CFAP46: variants seen among roughly 807,000 people sequenced by gnomAD.
CFAP46 encodes cilia- and flagella-associated protein 46.
A neutral mutation model predicts 325.7 loss-of-function variants in CFAP46; 245 were observed. That is an observed-to-expected ratio of 0.75 (90% confidence interval 0.68 to 0.84). CFAP46 has a LOEUF of 0.84. Among genes scored for constraint, CFAP46 ranks in the 40% least tolerant of loss-of-function variants. The pLI is 0.00. For missense variants in CFAP46, 3,346 were observed against 3,543.0 expected, an observed-to-expected ratio of 0.94 and a Z score of 1.41; for synonymous variants, 1,523 against 1,495.9, an observed-to-expected ratio of 1.02 and a Z score of -0.42.
rs1385050092 is a variant in CFAP46 at position 132,827,347 on chromosome 10, G to A, written c.7117+6011C>T. On this transcript the variant is annotated intron_variant, in intron 50 of 57. Coordinates refer to ENST00000368586, the MANE Select transcript of CFAP46 (RefSeq NM_001200049.3). This position sits in a 1 kb window ranked among gnomAD's most constrained non-coding sequence, Gnocchi z 5.7. ...TAAGCTGCCACGCCGACTGCTGTGG[G>A]AGCTCCTGGGCCTGGAGGAGCCTCC... Among the ~76,000 whole-genome samples, 3 of 152,154 alleles carry A rather than the reference G, an allele frequency of 2.0e-5. No individual in the cohort carries two copies. The highest frequency in any genetic ancestry group is 7.2e-5 in the African/African-American group (3 of 41,434).
In CFAP46 at chr10:132,912,593, C is replaced by CT; in HGVS notation, c.2499+61dup. ...CTTTCACCTCTCCTCTCCTCTCTCT[C>CT]TCTCCTCTCTCCTCTCTCTCTCTCT... On this transcript the variant is annotated intron_variant, in intron 19 of 57. Transcript: ENST00000368586. 2.8e-6 allele frequency: 4 copies of CT among 1,442,512 alleles called. No homozygotes were observed. The South Asian group carries it at 5.0e-5, about 18-fold the overall frequency. 89.4% of individuals were successfully genotyped at this position (1,442,512 alleles called of 1,614,324 possible).
chr10:132,928,046 A>T (rs1448449088), intron 9 of CFAP46, among the ~76,000 whole-genome samples: 1 of 152,206 alleles, frequency 6.6e-6, no homozygotes, highest in African/African-American at 2.4e-5. Flanking sequence ...TGCAGGGGCC[A>T]CGGGCGGTGG....
chr10:132,918,268 C>T (rs531013262), intron 16 of CFAP46, 125 bp downstream of exon 16: 2 of 157,824 alleles, frequency 1.3e-5, no homozygotes, highest in Non-Finnish European at 1.8e-5. Flanking sequence ...CACCGATGAA[C>T]CCCCCTCTCC....
At chr10:132,888,287 G>T in intron 25 of CFAP46, among the ~76,000 whole-genome samples, 1 of 150,496 alleles carries the variant, frequency 6.6e-6, no homozygotes, top group Non-Finnish European at 1.5e-5. Context: ...CTCCCATCCT[G>T]GGTGCTTCCA....
intron 25 of CFAP46, among the ~76,000 whole-genome samples, chr10:132,887,686 TCTCTCTCTC>T (rs1225956186): frequency 5.5e-5 from 5 of 91,600 alleles, no homozygotes; most frequent in Admixed American, 1.0e-4. Context: ...TCTCCTCTCC[TCTCTCTCTC>T]CTCTCCTCTC....
chr10:132,911,553 C>T (rs1172297362), intron 19 of CFAP46, among the ~76,000 whole-genome samples: 1 of 152,238 alleles, frequency 6.6e-6, no homozygotes, highest in African/African-American at 2.4e-5. Flanking sequence ...CCACAGACTC[C>T]CTTGACTCAT....
In CFAP46 at chr10:132,817,850, G is replaced by A. The variant is rs1565033450; in HGVS notation, c.7118-2936C>T. Among the ~76,000 whole-genome samples the A allele has an allele frequency of 6.6e-6, 1 of 152,240 alleles. No homozygotes were observed. Among genetic ancestry groups the A allele is most frequent in the East Asian group, 1.9e-4 (1 of 5,196 alleles). ...TTCTGGGAGTCGGAGGTCCGAATGG[G>A]GTCACTGGGTCACAGTGAACGGCGT... On this transcript the variant is annotated intron_variant, in intron 50 of 57. Coordinates refer to ENST00000368586, the MANE Select transcript of CFAP46 (RefSeq NM_001200049.3). The surrounding 1 kb of genome is among the most constrained non-coding windows in gnomAD (Gnocchi z 4.4).
Position 132,936,921 on chromosome 10 carries a change from G to A in CFAP46, c.755+40C>T. On this transcript the variant is annotated intron_variant, in intron 7 of 57. Coordinates refer to ENST00000368586, the MANE Select transcript of CFAP46 (RefSeq NM_001200049.3). ...CAGAGCTCTCCCAAGCCCAGCACTT[G>A]TGAAACTCAGTATTTGCTCTCCCTC... The A allele has an allele frequency of 3.1e-6, 4 of 1,288,118 alleles. No homozygotes were observed. The Admixed American group carries it at 6.0e-5, about 19-fold the overall frequency. The allele number at this position is 1,288,118 out of a possible 1,614,324, so 79.8% of individuals were successfully genotyped here.
rs1262985146 is a variant in CFAP46 at position 132,909,838 on chromosome 10, G to A, written c.2649+81C>T. Reference sequence around the variant, plus strand: ...CCATCTGGAGCTAAGTGGTCCCGGGGGCCCCACCACCCCCGGCTGTCTCAG... The same window carrying A: ...CCATCTGGAGCTAAGTGGTCCCGGGAGCCCCACCACCCCCGGCTGTCTCAG... On this transcript the variant is annotated intron_variant, in intron 20 of 57. Coordinates refer to ENST00000368586, the MANE Select transcript of CFAP46 (RefSeq NM_001200049.3). 3.8e-6 allele frequency: 5 copies of A among 1,319,878 alleles called. No individual in the cohort carries two copies. In the East Asian group the frequency reaches 1.2e-4, roughly 32 times the overall value. The allele number at this position is 1,319,878 out of a possible 1,614,324, so 81.8% of individuals were successfully genotyped here.
At chr10:132,868,629 T>G (rs1848852068) in intron 33 of CFAP46, among the ~76,000 whole-genome samples, 1 of 152,112 alleles carries the variant, frequency 6.6e-6, no homozygotes, top group South Asian at 2.1e-4. Flanking sequence ...AGAGCATGAG[T>G]GAAAATATGA....
Position 132,851,422 on chromosome 10 carries a change from T to C in CFAP46, c.5575-117A>G. 8.4e-6 allele frequency: 8 copies of C among 947,040 alleles called. No individual in the cohort carries two copies. The South Asian group carries it at 1.3e-4, about 16-fold the overall frequency. 58.7% of individuals were successfully genotyped at this position (947,040 alleles called of 1,614,324 possible). ...AGAAACTCATAACAAACTGCGCAGA[T>C]CTACAGTGGAAAACTGACACACTTT... On this transcript the variant is annotated intron_variant, in intron 39 of 57. Transcript: ENST00000368586.
intron 44 of CFAP46, among the ~76,000 whole-genome samples, chr10:132,843,089 G>C (rs1156561148): frequency 6.6e-6 from 1 of 152,194 alleles, no homozygotes; most frequent in Admixed American, 6.5e-5. Flanking sequence ...TCTTCAGTCT[G>C]TTTCTCAGTC....
intron 39 of CFAP46, among the ~76,000 whole-genome samples, chr10:132,851,561 GGCACCCT>G (rs1848546199): frequency 6.6e-6 from 1 of 152,128 alleles, no homozygotes; most frequent in African/African-American, 2.4e-5. Context: ...GCTGCCTGCC[GGCACCCT>G]GCATTCCTTG....
In CFAP46 at chr10:132,877,898, CTT is replaced by C; in HGVS notation, c.4193_4194del (p.Lys1398SerfsTer45). 1 of 1,531,100 alleles carries C rather than the reference CTT, an allele frequency of 6.5e-7. No individual in the cohort carries two copies. The highest frequency in any genetic ancestry group is 2.5e-5 in the East Asian group (1 of 40,808). The allele number at this position is 1,531,100 out of a possible 1,614,324, so 94.8% of individuals were successfully genotyped here. ...GGCATCACCTGCTTGGGCTCCTTGA[CTT>C]TCTCCTCCTTTCCCTTCTCCTTGTC... ...EKDKEKGKEE[K>X]VKEPKQSQSP... On this transcript the variant is annotated frameshift_variant, in exon 30 of 58. Transcript: ENST00000368586. LOFTEE classifies it high-confidence loss of function. This position sits in a 1 kb window ranked among gnomAD's most constrained non-coding sequence, Gnocchi z 5.7.
chr10:132,920,595 A>G, intron 13 of CFAP46, among the ~76,000 whole-genome samples: 1 of 152,148 alleles, frequency 6.6e-6, no homozygotes, highest in East Asian at 1.9e-4. Context: ...GTTCCGAATC[A>G]CCGCTCCTTT....
chr10:132,920,057 A>C lies in CFAP46; in HGVS notation c.1730+2T>G. On this transcript the variant is annotated splice_donor_variant, in intron 14 of 57. Coordinates refer to ENST00000368586, the MANE Select transcript of CFAP46 (RefSeq NM_001200049.3). LOFTEE classifies it high-confidence loss of function. ...TGGCGCTCTGGCCTTTTCCTCACTCACCTCTCCTTGTCGTTTTCGTTGCCC... is the reference window on the plus strand; with the variant it reads ...TGGCGCTCTGGCCTTTTCCTCACTCCCCTCTCCTTGTCGTTTTCGTTGCCC... 1 of 1,539,122 alleles carries C rather than the reference A, an allele frequency of 6.5e-7. No individual in the cohort carries two copies. The highest frequency in any genetic ancestry group is 8.8e-7 in the Non-Finnish European group (1 of 1,142,248).
In CFAP46 at chr10:132,857,631, C is replaced by T. The variant is rs1433750554; in HGVS notation, c.5533G>A (p.Gly1845Arg). ...AGGCCCTGGACGCTGTGAAGCCTCCCTTCTTCCTCAGCCATGGCGCCCTGG... is the reference window on the plus strand; with the variant it reads ...AGGCCCTGGACGCTGTGAAGCCTCCTTTCTTCCTCAGCCATGGCGCCCTGG... ...LAQGAMAEEE[G>R]RLHSVQGLLS... The change falls in exon 39 of 58, where the codon GGG (glycine) becomes AGG (arginine). Residue 1845 changes from glycine (G) to arginine (R), a missense_variant. By Grantham distance (125) the Gly-to-Arg change is moderately radical. Transcript: ENST00000368586. The T allele has an allele frequency of 2.5e-6, 4 of 1,613,184 alleles. No individual in the cohort carries two copies. Among genetic ancestry groups the T allele is most frequent in the Admixed American group, 1.7e-5 (1 of 59,958 alleles).
At chr10:132,895,171 G>C (rs917208255) in intron 24 of CFAP46, among the ~76,000 whole-genome samples, 2 of 152,206 alleles carry the variant, frequency 1.3e-5, no homozygotes, top group Non-Finnish European at 2.9e-5. Flanking sequence ...CAGTCAGCGT[G>C]ATGCACAGTA....
intron 57 of CFAP46, among the ~76,000 whole-genome samples, 177 bp from the exon 58 acceptor site, chr10:132,809,081 C>T (rs979454074): frequency 2.6e-5 from 4 of 152,240 alleles, no homozygotes; most frequent in Non-Finnish European, 5.9e-5. Context: ...CCTCCCGCAC[C>T]GAGGTGTCCA....
Sources: gnomAD v4.1 joint callset for allele counts (sites outside exome capture counted in the v4.1 genomes callset) on GRCh38, gnomAD v4.1.1 for gene constraint, Gnocchi (gnomAD v3.1) non-coding constraint, MANE v1.5 for transcripts, NCBI Gene and HGNC (gene_info 2026-07-23, HGNC 2026-07-21) for gene names.